The following BPTF variants were observed in gnomAD, a reference collection of about 807,000 sequenced individuals.
The protein encoded by BPTF is nucleosome-remodeling factor subunit BPTF.
A neutral mutation model predicts 292.5 loss-of-function variants in BPTF; 18 were observed. The ratio of observed to expected loss-of-function variants is 0.06; its 90% confidence interval spans 0.04 to 0.09. The LOEUF (loss-of-function observed/expected upper bound fraction) is 0.09. Among genes scored for constraint, BPTF ranks in the 10% least tolerant of loss-of-function variants. The pLI, the probability that BPTF is intolerant of heterozygous loss-of-function variation, is 1.00. For synonymous variants in BPTF, 1,225 were observed against 1,251.9 expected (o/e 0.98, Z 0.45); for missense variants, 2,726 against 3,498.7 (o/e 0.78, Z 5.57).
In BPTF at chr17:67,894,112, A is replaced by T. The variant is rs549922206; in HGVS notation, c.2490A>T (p.Ala830=). Residue 830 remains alanine (A), a synonymous_variant, in exon 7 of 28, where the codon GCA becomes GCT. Transcript: ENST00000306378. ...FALALAILEC[A]VKPVVMLPIW... is the part of the protein sequence containing the mutation. ...TGGCTTTAGCCATTTTGGAGTGTGC[A>T]GTTAAACCAGTTGTGATGCTACCAA... The T allele has an allele frequency of 6.2e-7, 1 of 1,614,154 alleles. No individual in the cohort carries two copies. Among genetic ancestry groups the T allele is most frequent in the South Asian group, 1.1e-5 (1 of 91,088 alleles).
chr17:67,867,388 G>A (rs1170041901), intron 3 of BPTF, among the ~76,000 whole-genome samples: 1 of 152,136 alleles, frequency 6.6e-6, no homozygotes, highest in Non-Finnish European at 1.5e-5. Flanking sequence ...TACAAAAGTT[G>A]CAAAGATAGT....
intron 27 of BPTF, chr17:67,981,589 G>A (rs1331877809): frequency 6.7e-6 from 7 of 1,049,830 alleles, no homozygotes; most frequent in Admixed American, 5.8e-5. Context: ...AAGATGTATC[G>A]TGGTAAAAAA....
At chr17:67,848,592 T>A (rs1035555169) in intron 1 of BPTF, among the ~76,000 whole-genome samples, 21 of 152,202 alleles carry the variant, frequency 1.4e-4, no homozygotes, top group Non-Finnish European at 2.6e-4. Context: ...AACTTTTTTT[T>A]AAAATTAAAA....
At chr17:67,964,587 A>G (rs1598958462) in intron 25 of BPTF, among the ~76,000 whole-genome samples, 183 bp downstream of exon 25, 2 of 152,266 alleles carry the variant, frequency 1.3e-5, no homozygotes, top group South Asian at 2.1e-4. Flanking sequence ...CCATATCCCC[A>G]CACCACGTCA....
rs1171129649 is a variant in BPTF at position 67,886,169 on chromosome 17, A to G, written c.1865-5675A>G. 5.6e-6 allele frequency: 9 copies of G among 1,612,834 alleles called. No homozygotes were observed. The East Asian group carries it at 1.1e-4, about 20-fold the overall frequency. ...ATGTGAGAGCAGTAACACTAGTGCT[A>G]CCACTACCTCCATCCAGCCTAATCT... On this transcript the variant is annotated intron_variant, in intron 4 of 27. Coordinates refer to ENST00000306378, the MANE Select transcript of BPTF (RefSeq NM_182641.4).
rs2064176733 is a variant in BPTF at position 67,929,449 on chromosome 17, A to G, written c.6112A>G (p.Asn2038Asp). 2 of 1,614,188 alleles carry G rather than the reference A, an allele frequency of 1.2e-6. No individual in the cohort carries two copies. The highest frequency in any genetic ancestry group is 1.7e-6 in the Non-Finnish European group (2 of 1,180,022). ...GACAGCAACAGTCACAATTAGGCCC[A>G]ATACCTCAGGCTCTGGAGGAACCAC... Reference protein sequence around the residue: ...PRTATVTIRPNTSGSGGTTSN... With the variant: ...PRTATVTIRPDTSGSGGTTSN... The change falls in exon 17 of 28, where the codon AAT (asparagine) becomes GAT (aspartate). Residue 2038 changes from asparagine (N) to aspartate (D), a missense_variant. Transcript: ENST00000306378.
At chr17:67,886,139 A>C (rs1217868205) in intron 4 of BPTF, 1 of 1,554,418 alleles carries the variant, frequency 6.4e-7, no homozygotes, top group Admixed American at 1.8e-5. Flanking sequence ...AGAACCTAAC[A>C]AGACATGTGA....
At chr17:67,892,158 C>T in intron 5 of BPTF, 124 bp downstream of exon 5, 1 of 773,514 alleles carries the variant, frequency 1.3e-6, no homozygotes, top group Non-Finnish European at 1.9e-6. Flanking sequence ...TATATTTTCT[C>T]TGTTTCCGAA....
intron 26 of BPTF, chr17:67,974,593 C>G (rs1437892886): frequency 6.6e-6 from 1 of 152,270 alleles, no homozygotes; most frequent in Non-Finnish European, 1.5e-5. Context: ...GGCTATAAAT[C>G]AGGGTTCCCA....
At chr17:67,918,953 A>G (rs2063237600) in intron 12 of BPTF, 115 bp downstream of exon 12, 5 of 1,122,454 alleles carry the variant, frequency 4.5e-6, no homozygotes, top group Non-Finnish European at 6.2e-6. Flanking sequence ...CAGGTGGATC[A>G]TGAGGTCAGG....
chr17:67,841,115 T>C (rs2144383660), intron 1 of BPTF, among the ~76,000 whole-genome samples: 1 of 152,054 alleles, frequency 6.6e-6, no homozygotes, highest in East Asian at 1.9e-4. Flanking sequence ...TGGTAAAAGG[T>C]CAGATAGTAA....
intron 23 of BPTF, among the ~76,000 whole-genome samples, chr17:67,949,164 A>G (rs1344207051): frequency 1.1e-4 from 16 of 152,158 alleles, no homozygotes; most frequent in African/African-American, 3.9e-4. Context: ...CCAGGAGTTC[A>G]AGATCAGCCT....
chr17:67,870,795 A>C (rs1188169463), intron 3 of BPTF, among the ~76,000 whole-genome samples: 1 of 90,976 alleles, frequency 1.1e-5, no homozygotes, highest in Non-Finnish European at 2.0e-5. Context: ...TTTGAGACGG[A>C]GTCTCGCTCT....
chr17:67,909,784 G>T, intron 10 of BPTF, 23 bp downstream of exon 10: 1 of 1,513,088 alleles, frequency 6.6e-7, no homozygotes. Flanking sequence ...AGCTGTGGAG[G>T]GCAGCCTGGG....
chr17:67,889,538 T>G (rs1479981884), intron 4 of BPTF, among the ~76,000 whole-genome samples: 1 of 152,168 alleles, frequency 6.6e-6, no homozygotes, highest in Non-Finnish European at 1.5e-5. Context: ...CCAGGCGCAG[T>G]GGCTCACGCC....
At chr17:67,931,761 A>T (rs1568106141) in intron 17 of BPTF, 150 bp from the exon 18 acceptor site, 1 of 563,990 alleles carries the variant, frequency 1.8e-6, no homozygotes, top group Non-Finnish European at 3.0e-6. Context: ...CTGATGTTTA[A>T]TACAATTTAA....
chr17:67,876,892 T>C (rs945826248), intron 4 of BPTF, among the ~76,000 whole-genome samples: 2 of 152,158 alleles, frequency 1.3e-5, no homozygotes, highest in Non-Finnish European at 2.9e-5. Context: ...GGAGCAAATA[T>C]AGCAACTGTC....
intron 1 of BPTF, among the ~76,000 whole-genome samples, chr17:67,833,389 C>G (rs2056882205): frequency 6.6e-6 from 1 of 151,978 alleles, no homozygotes; most frequent in Non-Finnish European, 1.5e-5. Flanking sequence ...GTCCAGAGAC[C>G]ATGTTTTGCT....
chr17:67,945,155 C>G (rs1253993618), intron 20 of BPTF, among the ~76,000 whole-genome samples: 2 of 152,152 alleles, frequency 1.3e-5, no homozygotes, highest in Non-Finnish European at 2.9e-5. Context: ...CCCACCTCAG[C>G]CTCCCACGTA....
Sources: gnomAD v4.1 joint callset for allele counts (sites outside exome capture counted in the v4.1 genomes callset) on GRCh38, gnomAD v4.1.1 for gene constraint, MANE v1.5 for transcripts, NCBI Gene and HGNC (gene_info 2026-07-23, HGNC 2026-07-21) for gene names.